CEP350: variants seen among roughly 807,000 people sequenced by gnomAD.
CEP350 encodes centrosome-associated protein 350.
In CEP350, 126 loss-of-function variants were observed where a neutral mutation model predicts 331.8. The ratio of observed to expected loss-of-function variants is 0.38; its 90% CI spans 0.33 to 0.44. The LOEUF (loss-of-function observed/expected upper bound fraction) is 0.44, where lower values mean the gene tolerates loss of function less well. Among genes scored for constraint, CEP350 ranks in the 20% least tolerant of loss-of-function variants. The pLI, the probability that CEP350 is intolerant of heterozygous loss-of-function variation, is 1.00. For missense variants in CEP350, 3,406 were observed against 3,634.6 expected, an observed-to-expected ratio of 0.94 and a Z score of 1.62; for synonymous variants, 1,200 against 1,259.5, an observed-to-expected ratio of 0.95 and a Z score of 1.00.
At chr1:180,096,586 A>G (rs1660492640) in intron 36 of CEP350, among the ~76,000 whole-genome samples, 1 of 152,180 alleles carries the variant, frequency 6.6e-6, no homozygotes, top group Non-Finnish European at 1.5e-5. Flanking sequence ...TGTCATATAT[A>G]TGTCTTTTCA....
chr1:179,992,205 C>A lies in CEP350; in HGVS notation c.379C>A (p.Pro127Thr). 1.3e-6 allele frequency: 2 copies of A among 1,500,228 alleles called. No homozygotes were observed. Among genetic ancestry groups the A allele is most frequent in the Non-Finnish European group, 1.8e-6 (2 of 1,131,606 alleles). 92.9% of individuals were successfully genotyped at this position (1,500,228 alleles called of 1,614,324 possible). A position where few individuals can be genotyped will look rare whatever the true frequency, so the allele number is the denominator to read the frequency against. The change falls in exon 5 of 38, where the codon CCT becomes ACT. Residue 127 changes from proline to threonine, a missense_variant. Transcript: ENST00000367607. The stretch of plus-strand genomic sequence containing the variant: ...AAATAATCGTGTGGAATTTCGTGAA[C>A]CTTTGGTTTCTTATAGGTTAGTATT... ...KKNNRVEFRE[P>T]LVSYREIHGA...
At chr1:180,032,436 G>A (rs1656085465) in intron 15 of CEP350, among the ~76,000 whole-genome samples, 1 of 151,856 alleles carries the variant, frequency 6.6e-6, no homozygotes, top group Non-Finnish European at 1.5e-5. Flanking sequence ...CTTTCCTTAA[G>A]AATTACTCTG....
Position 180,094,359 on chromosome 1 carries a change from A to T in CEP350, c.8254A>T (p.Ser2752Cys). 6.2e-7 allele frequency: 1 copy of T among 1,614,006 alleles called. No individual in the cohort carries two copies. The highest frequency in any genetic ancestry group is 8.5e-7 in the Non-Finnish European group (1 of 1,179,868). ...KKSKQQLEKI[S>C]LLTDSLLKVF... is the part of the protein sequence containing the mutation. ...GTCAAAACAACAACTGGAAAAAATCAGCTTACTGACAGACAGTTTACTAAA... is the reference window on the plus strand; with the variant it reads ...GTCAAAACAACAACTGGAAAAAATCTGCTTACTGACAGACAGTTTACTAAA... The change falls in exon 34 of 38, where the codon AGC becomes TGC. Residue 2752 changes from serine (S) to cysteine (C), a missense_variant. Transcript: ENST00000367607.
At chr1:179,989,124 A>T (rs1165773132) in intron 3 of CEP350, among the ~76,000 whole-genome samples, 3 of 152,066 alleles carry the variant, frequency 2.0e-5, no homozygotes, top group African/African-American at 7.2e-5. Context: ...TATATCATAA[A>T]TTATTCCAAT....
At chr1:180,034,169 C>A in intron 16 of CEP350, 87 bp downstream of exon 16, 1 of 1,372,582 alleles carries the variant, frequency 7.3e-7, no homozygotes, top group Non-Finnish European at 9.8e-7. Context: ...TGAGTTGAGT[C>A]ATAGAGAAAT....
At chr1:180,080,715 T>A (rs1244807513) in intron 30 of CEP350, 54 bp downstream of exon 30, 6 of 1,473,590 alleles carry the variant, frequency 4.1e-6, no homozygotes, top group Non-Finnish European at 5.7e-6. Context: ...CAGCCTTTAC[T>A]CTAAAAGGCT....
In CEP350 at chr1:180,054,517, G is replaced by A. The variant is rs200749648; in HGVS notation, c.5262+15G>A. The A allele has an allele frequency of 5.8e-5, 91 of 1,577,882 alleles. No individual in the cohort carries two copies. Among genetic ancestry groups the A allele is most frequent in the Non-Finnish European group, 7.4e-5 (86 of 1,157,322 alleles). The stretch of plus-strand genomic sequence containing the variant: ...AGCAAGAAAAGGTATGTTAGGGAAG[G>A]CACCCCTTTAGGACAGCTTATAAGG... On this transcript the variant is annotated intron_variant, in intron 25 of 37. Transcript: ENST00000367607.
chr1:180,021,063 A>T (rs1655291532), intron 12 of CEP350, 54 bp downstream of exon 12: 1 of 1,399,160 alleles, frequency 7.1e-7, no homozygotes, highest in African/African-American at 1.4e-5. Flanking sequence ...GAATTATTTT[A>T]TAATTTCTGT....
intron 27 of CEP350, 77 bp from the exon 28 acceptor site, chr1:180,074,945 G>A (rs1659128299): frequency 8.1e-6 from 10 of 1,234,946 alleles, no homozygotes; most frequent in African/African-American, 1.5e-5. Context: ...TGATAAGGTG[G>A]TGAGTGATAG....
rs1033255468 is a variant in CEP350 at position 179,969,126 on chromosome 1, A to C, written c.-14+13984A>C. On this transcript the variant is annotated intron_variant, in intron 1 of 37. Transcript: ENST00000367607. Reference sequence around the variant, plus strand: ...GTGGACATTGCCATCCCGTGCAACAATAAGGAAGCTCACTCAGTGGGTTTG... The same window carrying C: ...GTGGACATTGCCATCCCGTGCAACACTAAGGAAGCTCACTCAGTGGGTTTG... The C allele has an allele frequency of 6.1e-6, 4 of 658,806 alleles. No individual in the cohort carries two copies. In the East Asian group the frequency reaches 9.2e-5, roughly 15 times the overall value. 40.8% of individuals were successfully genotyped at this position (658,806 alleles called of 1,614,324 possible). A position where few individuals can be genotyped will look rare whatever the true frequency, so the allele number is the denominator to read the frequency against.
At chr1:180,033,463 G>A (rs7524849) in intron 15 of CEP350, among the ~76,000 whole-genome samples, 86,390 of 151,894 alleles carry the variant, frequency 0.57, 26,382 homozygotes, top group East Asian at 0.72. Context: ...TATTTTATTC[G>A]CTTTCAGAGA....
intron 6 of CEP350, among the ~76,000 whole-genome samples, chr1:180,002,381 G>A (rs1364183026): frequency 6.6e-6 from 1 of 152,104 alleles, no homozygotes; most frequent in African/African-American, 2.4e-5. Flanking sequence ...GGCTGAGGCA[G>A]GAAAATTGCT....
chr1:180,002,491 GAAATA>G (rs1234095293), intron 6 of CEP350, among the ~76,000 whole-genome samples: 15 of 151,100 alleles, frequency 9.9e-5, no homozygotes, highest in Admixed American at 7.9e-4. Context: ...AAAATAAAAT[GAAATA>G]AAATAAAATA....
At chr1:180,103,379 C>T (rs1558162910) in intron 37 of CEP350, among the ~76,000 whole-genome samples, 1 of 151,478 alleles carries the variant, frequency 6.6e-6, no homozygotes, top group South Asian at 2.1e-4. Flanking sequence ...ACAGGCTGCT[C>T]TTCGTTAGAA....
In CEP350 at chr1:180,092,911, G is replaced by T. The variant is rs1660282161; in HGVS notation, c.6806G>T (p.Ser2269Ile). The T allele has an allele frequency of 1.9e-6, 3 of 1,576,492 alleles. No individual in the cohort carries two copies. In the Admixed American group the frequency reaches 5.5e-5, roughly 29 times the overall value. ...ATAGAGTATACAAAATTGAAGAAGA[G>T]TAAGATTGAAGATGCCTTTTCTAAA... ...KEIEYTKLKKSKIEDAFSKEG... is the reference protein window; with the variant it reads ...KEIEYTKLKKIKIEDAFSKEG... Residue 2269 changes from serine (S) to isoleucine (I), a missense_variant, in exon 34 of 38, where the codon AGT (serine) becomes ATT (isoleucine). By Grantham distance (142) the Ser-to-Ile change is moderately radical. Around this residue, in one of 5 missense-constraint regions of CEP350, gnomAD observed 1,415 missense variants for 1,512.3 expected, o/e 0.94. Transcript: ENST00000367607.
At chr1:179,955,629 T>G (rs1056394599) in intron 1 of CEP350, among the ~76,000 whole-genome samples, 1 of 152,210 alleles carries the variant, frequency 6.6e-6, no homozygotes, top group African/African-American at 2.4e-5. Context: ...ACAGATAATT[T>G]GGGGAAAGAT....
chr1:179,983,661 C>T (rs1468099488), intron 1 of CEP350, among the ~76,000 whole-genome samples: 1 of 152,162 alleles, frequency 6.6e-6, no homozygotes, highest in East Asian at 1.9e-4. Context: ...CATATTTGGA[C>T]TTAATAGGTG....
intron 28 of CEP350, 94 bp from the exon 29 acceptor site, chr1:180,078,369 A>G (rs184808406): frequency 4.2e-5 from 36 of 867,438 alleles, no homozygotes; most frequent in Admixed American, 2.5e-4. Context: ...AAATGCAGTA[A>G]GTAATAATAT....
chr1:180,080,861 T>C (rs1659524607), intron 30 of CEP350, among the ~76,000 whole-genome samples, 200 bp downstream of exon 30: 1 of 152,070 alleles, frequency 6.6e-6, no homozygotes. Flanking sequence ...AGTGTATTGC[T>C]TTTTTTGTTA....
Sources: gnomAD v4.1 joint callset for allele counts (sites outside exome capture counted in the v4.1 genomes callset) on GRCh38, gnomAD v4.1.1 for gene constraint, gnomAD v4.1.1 regional missense constraint, MANE v1.5 for transcripts, NCBI Gene and HGNC (gene_info 2026-07-23, HGNC 2026-07-21) for gene names.